The following STXBP5L variants were observed in gnomAD, a reference collection of about 807,000 sequenced individuals.
STXBP5L encodes syntaxin-binding protein 5-like.
A neutral mutation model predicts 144.5 loss-of-function variants in STXBP5L; 65 were observed. The observed-to-expected ratio is 0.45, with a 90% CI of 0.37 to 0.55. The LOEUF (loss-of-function observed/expected upper bound fraction) is 0.55. Ranked by LOEUF, STXBP5L falls within the 20% of genes least tolerant of loss-of-function variation. The pLI, the probability that STXBP5L is intolerant of heterozygous loss-of-function variation, is 0.00. For synonymous variants in STXBP5L, 505 were observed against 469.6 expected (o/e 1.08, Z -0.97); for missense variants, 1,298 against 1,405.5 (o/e 0.92, Z 1.22).
At chr3:121,112,796 G>A (rs1030436426) in intron 5 of STXBP5L, among the ~76,000 whole-genome samples, 1 of 152,032 alleles carries the variant, frequency 6.6e-6, no homozygotes, top group African/African-American at 2.4e-5. Flanking sequence ...ATCAGGTAGT[G>A]GTGGTAGAAA....
chr3:121,371,954 A>G (rs1298746442), intron 20 of STXBP5L, among the ~76,000 whole-genome samples: 2 of 152,220 alleles, frequency 1.3e-5, no homozygotes, highest in African/African-American at 4.8e-5. Context: ...CAGGGTGCTC[A>G]TGCATATTTA....
intron 22 of STXBP5L, among the ~76,000 whole-genome samples, chr3:121,395,828 G>C (rs2046715335): frequency 6.6e-6 from 1 of 152,190 alleles, no homozygotes; most frequent in Non-Finnish European, 1.5e-5. Context: ...TCTGTCCCCA[G>C]GTGGGTGGCT....
chr3:121,234,908 G>A (rs2049424877), intron 12 of STXBP5L, among the ~76,000 whole-genome samples: 1 of 151,600 alleles, frequency 6.6e-6, no homozygotes, highest in South Asian at 2.1e-4. Context: ...CGTCATATTT[G>A]TTGGTTACTC....
At chr3:121,051,788 T>A (rs1948021931) in intron 5 of STXBP5L, among the ~76,000 whole-genome samples, 1 of 152,006 alleles carries the variant, frequency 6.6e-6, no homozygotes, top group Admixed American at 6.6e-5. Flanking sequence ...AAAAAATTAA[T>A]GAAGCCAGGA....
chr3:121,236,907 G>A (rs372913596), intron 12 of STXBP5L, among the ~76,000 whole-genome samples: 182 of 152,320 alleles, frequency 1.2e-3, no homozygotes, highest in Non-Finnish European at 2.2e-3. Context: ...GTAGGAAGGC[G>A]TAACAAGTCT....
chr3:121,261,263 C>T (rs1388679578), intron 18 of STXBP5L, among the ~76,000 whole-genome samples: 1 of 152,112 alleles, frequency 6.6e-6, no homozygotes, highest in Non-Finnish European at 1.5e-5. Context: ...ATGAAAATGA[C>T]AGCTTGGACA....
chr3:121,077,023 T>A (rs1265302353), intron 5 of STXBP5L, among the ~76,000 whole-genome samples: 1 of 152,194 alleles, frequency 6.6e-6, no homozygotes, highest in East Asian at 1.9e-4. Flanking sequence ...ACACAGTCCA[T>A]GATAAGAGGT....
chr3:121,319,144 C>T (rs964673531), intron 20 of STXBP5L, among the ~76,000 whole-genome samples: 2 of 151,814 alleles, frequency 1.3e-5, no homozygotes, highest in Admixed American at 1.3e-4. Context: ...GACTGGTTGG[C>T]CTGTTTTTTA....
At chr3:121,315,665 T>C (rs1385119559) in intron 19 of STXBP5L, among the ~76,000 whole-genome samples, 13 of 150,278 alleles carry the variant, frequency 8.7e-5, no homozygotes, top group Admixed American at 8.6e-4. Flanking sequence ...CTCATCAAAG[T>C]AAAAAAAAAT....
At chr3:121,397,329 A>G (rs1404654784) in intron 22 of STXBP5L, among the ~76,000 whole-genome samples, 1 of 152,258 alleles carries the variant, frequency 6.6e-6, no homozygotes, top group African/African-American at 2.4e-5. Flanking sequence ...CTGTTAAATC[A>G]GTTAACATTC....
At chr3:121,015,581 G>T (rs763938853) in intron 3 of STXBP5L, among the ~76,000 whole-genome samples, 9 of 152,066 alleles carry the variant, frequency 5.9e-5, no homozygotes, top group African/African-American at 1.7e-4. Context: ...TGAAATGTTC[G>T]GGAACCCCCA....
intron 5 of STXBP5L, among the ~76,000 whole-genome samples, chr3:121,094,792 T>A (rs894614142): frequency 1.3e-5 from 2 of 152,188 alleles, no homozygotes; most frequent in Non-Finnish European, 2.9e-5. Flanking sequence ...AATATTGTTA[T>A]GTGTGAATTT....
At chr3:121,358,455 G>A (rs768470463) in intron 20 of STXBP5L, among the ~76,000 whole-genome samples, 73 of 152,120 alleles carry the variant, frequency 4.8e-4, no homozygotes, top group Non-Finnish European at 7.1e-4. Context: ...TCTTCTCATG[G>A]CCAGAGAAGG....
intron 5 of STXBP5L, among the ~76,000 whole-genome samples, chr3:121,052,578 T>C (rs1251417500): frequency 1.3e-5 from 2 of 152,158 alleles, no homozygotes; most frequent in Non-Finnish European, 2.9e-5. Flanking sequence ...ACAAATTAGG[T>C]ATTGATGGGA....
chr3:121,194,628 G>T (rs2047847902), intron 9 of STXBP5L, among the ~76,000 whole-genome samples: 1 of 151,958 alleles, frequency 6.6e-6, no homozygotes, highest in Non-Finnish European at 1.5e-5. Flanking sequence ...TTTTTGGAGG[G>T]TTTGTGAAAA....
At chr3:121,104,819 T>A (rs1406811403) in intron 5 of STXBP5L, among the ~76,000 whole-genome samples, 1 of 152,110 alleles carries the variant, frequency 6.6e-6, no homozygotes, top group Non-Finnish European at 1.5e-5. Context: ...GAAAAACTCT[T>A]CTAGACATTG....
At chr3:121,001,254 C>T (rs751775980) in intron 3 of STXBP5L, among the ~76,000 whole-genome samples, 1 of 152,198 alleles carries the variant, frequency 6.6e-6, no homozygotes, top group South Asian at 2.1e-4. Flanking sequence ...GCTGGGTCTT[C>T]CAGTAAAAGA....
intron 2 of STXBP5L, among the ~76,000 whole-genome samples, chr3:120,921,359 A>G (rs1709351034): frequency 6.6e-6 from 1 of 151,846 alleles, no homozygotes; most frequent in African/African-American, 2.4e-5. Context: ...TGAGCTTATT[A>G]TATATTCTGG....
intron 11 of STXBP5L, among the ~76,000 whole-genome samples, chr3:121,224,314 T>C (rs867986505): frequency 7.2e-5 from 11 of 152,194 alleles, no homozygotes; most frequent in African/African-American, 2.2e-4. Flanking sequence ...TACTTTAAAT[T>C]ATTTAGTCTC....
Sources: allele counts gnomAD v4.1 joint callset (sites outside exome capture counted in the v4.1 genomes callset), GRCh38; gene constraint gnomAD v4.1.1; transcripts MANE v1.5; gene names NCBI Gene and HGNC (gene_info 2026-07-23, HGNC 2026-07-21).